Variants in CNTNAP2 observed in about 807,000 individuals in gnomAD.
CNTNAP2 encodes contactin-associated protein-like 2.
Under a neutral mutation model 155.2 loss-of-function variants are expected in CNTNAP2, and 98 were observed. The observed-to-expected ratio is 0.63, with a 90% CI of 0.54 to 0.75. CNTNAP2 has a LOEUF of 0.75. Among genes scored for constraint, CNTNAP2 ranks in the 30% least tolerant of loss-of-function variants. The pLI, the probability that CNTNAP2 is intolerant of heterozygous loss-of-function variation, is 0.00. For synonymous variants in CNTNAP2, 651 were observed against 631.2 expected (o/e 1.03, Z -0.47); for missense variants, 1,727 against 1,688.1 (o/e 1.02, Z -0.40).
chr7:146,215,953 T>C (rs1174329328), intron 1 of CNTNAP2, among the ~76,000 whole-genome samples: 1 of 152,178 alleles, frequency 6.6e-6, no homozygotes, highest in Non-Finnish European at 1.5e-5. Context: ...AAGTGGTTTA[T>C]TTGTGAATTG....
chr7:148,331,587 G>A (rs1301796619), intron 21 of CNTNAP2, among the ~76,000 whole-genome samples: 7 of 147,118 alleles, frequency 4.8e-5, no homozygotes, highest in South Asian at 2.2e-4. Flanking sequence ...TGGAATGGAT[G>A]GATGGAATGG....
chr7:147,302,362 A>G (rs1479385294), intron 9 of CNTNAP2, among the ~76,000 whole-genome samples: 1 of 152,212 alleles, frequency 6.6e-6, no homozygotes, highest in Non-Finnish European at 1.5e-5. Context: ...CATTCATGGC[A>G]TAGAGTTTAT....
chr7:146,259,848 A>G (rs1409989021), intron 1 of CNTNAP2, among the ~76,000 whole-genome samples: 1 of 152,210 alleles, frequency 6.6e-6, no homozygotes, highest in African/African-American at 2.4e-5. Context: ...AATTTATGTT[A>G]AGTAATGAGG....
intron 11 of CNTNAP2, among the ~76,000 whole-genome samples, chr7:147,557,042 C>G (rs1029343299): frequency 6.6e-6 from 1 of 150,614 alleles, no homozygotes; most frequent in African/African-American, 2.5e-5. Context: ...GAGGCTGAGG[C>G]AGGCGGGGGT....
intron 1 of CNTNAP2, among the ~76,000 whole-genome samples, chr7:146,531,267 G>A (rs1353238510): frequency 6.6e-6 from 1 of 151,964 alleles, no homozygotes; most frequent in Non-Finnish European, 1.5e-5. Flanking sequence ...TACCTATTTA[G>A]GACTATGCTT....
chr7:147,023,180 C>T (rs1246159660), intron 3 of CNTNAP2, among the ~76,000 whole-genome samples: 7 of 152,162 alleles, frequency 4.6e-5, no homozygotes, highest in South Asian at 4.1e-4. Context: ...AACACGGGCA[C>T]GGCAACTGAT....
intron 1 of CNTNAP2, among the ~76,000 whole-genome samples, chr7:146,511,463 C>G (rs1425423352): frequency 2.0e-5 from 3 of 152,136 alleles, no homozygotes; most frequent in African/African-American, 4.8e-5. Flanking sequence ...TATGTTCCTT[C>G]TATACCAAGA....
At chr7:147,752,007 A>G (rs564544992) in intron 13 of CNTNAP2, among the ~76,000 whole-genome samples, 9 of 152,310 alleles carry the variant, frequency 5.9e-5, no homozygotes, top group African/African-American at 1.9e-4. Flanking sequence ...GATTAGCAAT[A>G]TGTCATCCAC....
chr7:147,974,004 C>T (rs958586138), intron 14 of CNTNAP2, among the ~76,000 whole-genome samples: 1 of 152,158 alleles, frequency 6.6e-6, no homozygotes, highest in African/African-American at 2.4e-5. Context: ...TTATAAATTT[C>T]TATCATCCCT....
intron 8 of CNTNAP2, among the ~76,000 whole-genome samples, chr7:147,193,826 A>G (rs919162496): frequency 2.0e-5 from 3 of 152,210 alleles, no homozygotes; most frequent in African/African-American, 4.8e-5. Context: ...GAATGTCTAG[A>G]AGGCAAGAGG....
At chr7:148,218,875 C>T (rs1226623438) in intron 19 of CNTNAP2, among the ~76,000 whole-genome samples, 3 of 149,538 alleles carry the variant, frequency 2.0e-5, no homozygotes, top group African/African-American at 4.9e-5. Flanking sequence ...ACTTGCTGAA[C>T]TTGAGAAGTC....
chr7:146,984,024 A>C (rs1563031933), intron 3 of CNTNAP2, among the ~76,000 whole-genome samples: 1 of 152,186 alleles, frequency 6.6e-6, no homozygotes, highest in Admixed American at 6.5e-5. Flanking sequence ...CTTTCTTTGC[A>C]GACCTACTGC....
At chr7:148,414,994 T>G (rs1297018611) in intron 23 of CNTNAP2, 1 of 304,120 alleles carries the variant, frequency 3.3e-6, no homozygotes, top group South Asian at 3.7e-5. Context: ...CCACTCTATC[T>G]CCCCTCTCCA....
chr7:146,382,087 G>A (rs910192172), intron 1 of CNTNAP2, among the ~76,000 whole-genome samples: 1 of 152,158 alleles, frequency 6.6e-6, no homozygotes, highest in Non-Finnish European at 1.5e-5. Flanking sequence ...TATTTTTCTG[G>A]AAAGCTTGAG....
At chr7:148,349,346 C>T (rs778612960) in intron 21 of CNTNAP2, among the ~76,000 whole-genome samples, 2 of 150,242 alleles carry the variant, frequency 1.3e-5, no homozygotes, top group African/African-American at 2.4e-5. Context: ...TTGGGCCACA[C>T]GTAAAACACA....
intron 14 of CNTNAP2, among the ~76,000 whole-genome samples, chr7:147,916,581 C>T (rs1022608792): frequency 1.1e-5 from 1 of 87,434 alleles, no homozygotes; most frequent in Non-Finnish European, 2.0e-5. Context: ...TTCAAAAGAG[C>T]TTTTTTTCTG....
chr7:147,180,319 G>A (rs963107027), intron 8 of CNTNAP2, among the ~76,000 whole-genome samples: 3 of 152,100 alleles, frequency 2.0e-5, no homozygotes, highest in Non-Finnish European at 4.4e-5. Flanking sequence ...AAAAGCACAT[G>A]ACAGTATGCA....
intron 3 of CNTNAP2, among the ~76,000 whole-genome samples, chr7:146,927,674 GT>G (rs1369116219): frequency 6.6e-6 from 1 of 151,882 alleles, no homozygotes; most frequent in Non-Finnish European, 1.5e-5. Context: ...AGAAGAAATT[GT>G]TTTAAAATAT....
intron 15 of CNTNAP2, among the ~76,000 whole-genome samples, chr7:148,023,183 C>T (rs1472923889): frequency 6.6e-6 from 1 of 151,640 alleles, no homozygotes; most frequent in Admixed American, 6.6e-5. Flanking sequence ...GTTTCCCTAC[C>T]CAAAAGCAAA....
Sources: gnomAD v4.1 joint callset for allele counts (sites outside exome capture counted in the v4.1 genomes callset) on GRCh38, gnomAD v4.1.1 for gene constraint, MANE v1.5 for transcripts, NCBI Gene and HGNC (gene_info 2026-07-23, HGNC 2026-07-21) for gene names.